The following TRDN variants were observed in gnomAD, a reference collection of about 807,000 sequenced individuals.
The protein encoded by TRDN is triadin.
Under a neutral mutation model 149.7 loss-of-function variants are expected in TRDN, and 161 were observed. The observed-to-expected ratio is 1.08, with a 90% CI of 0.95 to 1.23. The LOEUF is 1.23. TRDN is among the 50% of genes most tolerant of loss of function. The pLI is 0.00. For missense variants in TRDN, 896 were observed against 823.5 expected, an observed-to-expected ratio of 1.09 and a Z score of -1.08; for synonymous variants, 294 against 250.5, an observed-to-expected ratio of 1.17 and a Z score of -1.64.
At chr6:123,302,125 T>C (rs1007327797) in intron 24 of TRDN, among the ~76,000 whole-genome samples, 1 of 151,654 alleles carries the variant, frequency 6.6e-6, no homozygotes, top group Non-Finnish European at 1.5e-5. Context: ...ATGGGAACTT[T>C]TAAATAGATA....
At chr6:123,373,320 A>T (rs1189427924) in intron 19 of TRDN, among the ~76,000 whole-genome samples, 3 of 152,166 alleles carry the variant, frequency 2.0e-5, no homozygotes, top group African/African-American at 7.2e-5. Context: ...GCCTGCAACC[A>T]TCCATGTAAG....
At chr6:123,391,113 T>C (rs894918038) in intron 13 of TRDN, among the ~76,000 whole-genome samples, 5 of 152,090 alleles carry the variant, frequency 3.3e-5, no homozygotes, top group African/African-American at 9.7e-5. Flanking sequence ...TTTGGGTCTA[T>C]ATCAATTTCT....
chr6:123,492,297 C>T lies in TRDN; in HGVS notation c.853+4896G>A, dbSNP rs118132483. Among the ~76,000 whole-genome samples, 667 of 152,204 alleles carry T rather than the reference C, an allele frequency of 4.4e-3. 3 individuals carry two copies. Among genetic ancestry groups the T allele is most frequent in the Middle Eastern group, 0.017 (5 of 294 alleles). On this transcript the variant is annotated intron_variant, in intron 9 of 40. Coordinates refer to ENST00000334268, the MANE Select transcript of TRDN (RefSeq NM_006073.4). Reference sequence around the variant, plus strand: ...GGGATAAACTTTAACTTGTATTAAACTTTAATCATAATAGTTACAGAGATG... The same window carrying T: ...GGGATAAACTTTAACTTGTATTAAATTTTAATCATAATAGTTACAGAGATG...
intron 9 of TRDN, chr6:123,470,301 A>G (rs1290480590): frequency 2.0e-5 from 3 of 152,186 alleles, no homozygotes; most frequent in African/African-American, 7.2e-5. Flanking sequence ...GACAGACAGG[A>G]AACAGGCAAT....
chr6:123,384,378 G>C (rs1254191985), intron 14 of TRDN, among the ~76,000 whole-genome samples: 3 of 152,102 alleles, frequency 2.0e-5, no homozygotes, highest in Non-Finnish European at 4.4e-5. Flanking sequence ...ACAATCTCTT[G>C]AGTCCAGAAT....
At chr6:123,599,586 G>C (rs1013878373) in intron 1 of TRDN, among the ~76,000 whole-genome samples, 19 of 151,370 alleles carry the variant, frequency 1.3e-4, no homozygotes, top group African/African-American at 4.6e-4. Flanking sequence ...TTCATAATTT[G>C]GTGCTATTTT....
At chr6:123,230,414 T>C (rs55983439) in intron 38 of TRDN, among the ~76,000 whole-genome samples, 3 of 151,872 alleles carry the variant, frequency 2.0e-5, no homozygotes, top group Non-Finnish European at 4.4e-5. Context: ...GGAGGGATAG[T>C]ATTAGGAGAT....
chr6:123,330,669 GA>G (rs1317788004), intron 23 of TRDN, among the ~76,000 whole-genome samples: 6 of 151,464 alleles, frequency 4.0e-5, no homozygotes, highest in Non-Finnish European at 5.9e-5. Flanking sequence ...ATGGGGCTGA[GA>G]AAAAAAATCA....
At chr6:123,336,374 T>C (rs1779866923) in intron 22 of TRDN, among the ~76,000 whole-genome samples, 1 of 151,976 alleles carries the variant, frequency 6.6e-6, no homozygotes, top group African/African-American at 2.4e-5. Flanking sequence ...CTGAAACAAA[T>C]ATGTAAAGTA....
intron 37 of TRDN, among the ~76,000 whole-genome samples, chr6:123,253,278 G>T (rs1486432860): frequency 1.3e-5 from 2 of 151,926 alleles, no homozygotes; most frequent in Non-Finnish European, 2.9e-5. Context: ...ACTAGTAACA[G>T]TTCCATTCTA....
intron 8 of TRDN, among the ~76,000 whole-genome samples, chr6:123,497,457 C>T (rs1251248158): frequency 4.6e-5 from 7 of 152,124 alleles, no homozygotes; most frequent in South Asian, 2.1e-4. Flanking sequence ...TTCTTCCATA[C>T]AAAAATAACC....
intron 13 of TRDN, among the ~76,000 whole-genome samples, chr6:123,390,859 T>C (rs1298209978): frequency 3.3e-5 from 5 of 152,158 alleles, no homozygotes; most frequent in Non-Finnish European, 5.9e-5. Flanking sequence ...GTTTTGTTGA[T>C]GTTGTTCTCT....
At chr6:123,292,070 T>C (rs10080599) in intron 24 of TRDN, among the ~76,000 whole-genome samples, 21,762 of 152,148 alleles carry the variant, frequency 0.14, 1,815 homozygotes, top group African/African-American at 0.22. Context: ...ATTTTGGGGC[T>C]AGTGGGTACC....
chr6:123,629,038 G>A lies in TRDN; in HGVS notation c.22+7716C>T, dbSNP rs568951583. Among the ~76,000 whole-genome samples, 25 of 152,086 alleles carry A rather than the reference G, an allele frequency of 1.6e-4. No homozygotes were observed. In the East Asian group the frequency reaches 1.9e-3, roughly 12 times the overall value. ...TAGTAACTTTCAGATTTTACAGTACGCTTTTTCCCCTAGTCAATAATATAT... is the reference window on the plus strand; with the variant it reads ...TAGTAACTTTCAGATTTTACAGTACACTTTTTCCCCTAGTCAATAATATAT... On this transcript the variant is annotated intron_variant, in intron 1 of 40. Coordinates refer to ENST00000334268, the MANE Select transcript of TRDN (RefSeq NM_006073.4).
chr6:123,599,380 C>T (rs1193058327), intron 1 of TRDN, among the ~76,000 whole-genome samples: 1 of 152,014 alleles, frequency 6.6e-6, no homozygotes, highest in Non-Finnish European at 1.5e-5. Flanking sequence ...ACAACTGATG[C>T]TAAACTCATT....
intron 29 of TRDN, 64 bp downstream of exon 29, chr6:123,272,900 T>G: frequency 8.4e-7 from 1 of 1,194,110 alleles, no homozygotes; most frequent in Non-Finnish European, 1.2e-6. Flanking sequence ...TCTAAACTCT[T>G]CCTTCTGCTA....
At chr6:123,502,133 T>G in intron 8 of TRDN, 1 of 984,254 alleles carries the variant, frequency 1.0e-6, no homozygotes, top group Non-Finnish European at 1.2e-6. Context: ...TGATTATTTT[T>G]CTTTTTGAAC....
At chr6:123,531,891 A>G (rs1327146013) in intron 4 of TRDN, among the ~76,000 whole-genome samples, 1 of 152,040 alleles carries the variant, frequency 6.6e-6, no homozygotes, top group African/African-American at 2.4e-5. Flanking sequence ...GCATTTTAGG[A>G]TATTCAGCAG....
At chr6:123,401,997 A>G (rs998364909) in intron 12 of TRDN, among the ~76,000 whole-genome samples, 15 of 151,906 alleles carry the variant, frequency 9.9e-5, no homozygotes, top group African/African-American at 3.1e-4. Flanking sequence ...GTAGAGCCAC[A>G]AAGGGGAAAG....
Sources: allele counts gnomAD v4.1 joint callset (sites outside exome capture counted in the v4.1 genomes callset), GRCh38; gene constraint gnomAD v4.1.1; transcripts MANE v1.5; gene names NCBI Gene and HGNC (gene_info 2026-07-23, HGNC 2026-07-21).